GRAMD1B: variants seen among roughly 807,000 people sequenced by gnomAD.
GRAMD1B encodes the protein GRAM domain containing 1B.
In GRAMD1B, 37 loss-of-function variants were observed where a neutral mutation model predicts 99.7. That is an observed-to-expected ratio of 0.37 (90% CI 0.29 to 0.49). The LOEUF (loss-of-function observed/expected upper bound fraction) is 0.49, where lower values mean the gene tolerates loss of function less well. Among genes scored for constraint, GRAMD1B ranks in the 20% least tolerant of loss-of-function variants. GRAMD1B has a pLI of 0.98. For synonymous variants in GRAMD1B, 427 were observed against 387.6 expected (o/e 1.10, Z -1.19); for missense variants, 888 against 1,009.2 (o/e 0.88, Z 1.63).
At chr11:123,548,407 C>A (rs991497516) in intron 2 of GRAMD1B, among the ~76,000 whole-genome samples, 1 of 149,572 alleles carries the variant, frequency 6.7e-6, no homozygotes, top group Non-Finnish European at 1.5e-5. Flanking sequence ...ACCTGGCAAC[C>A]TCTCAAAGCA....
At chr11:123,548,995 C>A (rs1045520134) in intron 2 of GRAMD1B, among the ~76,000 whole-genome samples, 1 of 152,220 alleles carries the variant, frequency 6.6e-6, no homozygotes, top group African/African-American at 2.4e-5. Context: ...CTCCCACCCC[C>A]TCATGGCAGT....
intron 1 of GRAMD1B, among the ~76,000 whole-genome samples, chr11:123,395,258 G>A (rs1424339365): frequency 1.3e-5 from 2 of 151,644 alleles, no homozygotes; most frequent in Non-Finnish European, 2.9e-5. Flanking sequence ...TTCATACTAA[G>A]GAAAGGCTTC....
In GRAMD1B at chr11:123,590,179, G is replaced by T. The variant is rs896324496; in HGVS notation, c.685-3903G>T. Among the ~76,000 whole-genome samples the T allele has an allele frequency of 8.5e-5, 13 of 152,294 alleles. No homozygotes were observed. In the South Asian group the frequency reaches 1.9e-3, roughly 22 times the overall value. ...CTTGCTAATGCTGAAGGTTGTATAG[G>T]GTCCATGGGAAGGAAGAGGGTGCCT... On this transcript the variant is annotated intron_variant, in intron 4 of 19. Coordinates refer to ENST00000635736, the MANE Select transcript of GRAMD1B (RefSeq NM_001387025.1).
chr11:123,575,963 C>T (rs775617278), intron 2 of GRAMD1B, among the ~76,000 whole-genome samples: 14 of 152,094 alleles, frequency 9.2e-5, no homozygotes, highest in Non-Finnish European at 2.1e-4. Context: ...ATATTTGGGG[C>T]ACATTTATCT....
chr11:123,388,065 G>A (rs939042252), intron 1 of GRAMD1B, among the ~76,000 whole-genome samples: 2 of 146,692 alleles, frequency 1.4e-5, no homozygotes, highest in East Asian at 4.0e-4. Flanking sequence ...GGCAGAGGTT[G>A]CAGTGAGCCG....
At chr11:123,431,554 G>C (rs944069137) in intron 1 of GRAMD1B, among the ~76,000 whole-genome samples, 4 of 152,250 alleles carry the variant, frequency 2.6e-5, no homozygotes, top group Non-Finnish European at 4.4e-5. Flanking sequence ...CAAACTCTCT[G>C]AGGTAGGTAT....
chr11:123,474,270 T>A (rs1052369476), intron 1 of GRAMD1B, among the ~76,000 whole-genome samples: 2 of 149,216 alleles, frequency 1.3e-5, no homozygotes, highest in African/African-American at 2.5e-5. Flanking sequence ...TAATTTTTTT[T>A]AAAGTAATGG....
chr11:123,390,138 T>TAA (rs11462388), intron 1 of GRAMD1B, among the ~76,000 whole-genome samples: 5,299 of 142,704 alleles, frequency 0.037, 295 homozygotes, highest in African/African-American at 0.12. Context: ...ATCAATTCAT[T>TAA]AAAAAAAAAA....
intron 2 of GRAMD1B, among the ~76,000 whole-genome samples, chr11:123,487,298 T>C (rs1339836757): frequency 6.6e-6 from 1 of 152,160 alleles, no homozygotes; most frequent in Non-Finnish European, 1.5e-5. Flanking sequence ...CAGAAAACTC[T>C]ACAGAGGGGG....
chr11:123,619,149 C>G lies in GRAMD1B; in HGVS notation c.2469C>G (p.Ser823=), dbSNP rs1233105139. The change falls in exon 19 of 20, where the codon TCC becomes TCG. Residue 823 remains serine, a synonymous_variant. Transcript: ENST00000635736. ...CAGAATGGGCCCAGCTCTTAGAGTC[C>G]CAACAAAAGTACCACGATACTGAGC... The part of the protein sequence containing the change: ...SQTEWAQLLE[S]QQKYHDTELQ... 6.4e-7 allele frequency: 1 copy of G among 1,570,148 alleles called. No individual in the cohort carries two copies.
intron 3 of GRAMD1B, among the ~76,000 whole-genome samples, chr11:123,583,467 T>G (rs1012286140): frequency 1.3e-5 from 2 of 152,136 alleles, no homozygotes; most frequent in Admixed American, 6.5e-5. Context: ...AGTATGTGTG[T>G]GTATATGTGC....
At chr11:123,604,481 T>C (rs1237275490) in intron 9 of GRAMD1B, among the ~76,000 whole-genome samples, 1 of 152,150 alleles carries the variant, frequency 6.6e-6, no homozygotes, top group Non-Finnish European at 1.5e-5. Context: ...AAGATGTGCC[T>C]GTAGACTGGC....
At chr11:123,565,879 C>A (rs1028595627) in intron 2 of GRAMD1B, among the ~76,000 whole-genome samples, 10 of 152,248 alleles carry the variant, frequency 6.6e-5, no homozygotes, top group African/African-American at 2.4e-4. Flanking sequence ...GGAAATTATA[C>A]AACACCAGTA....
At chr11:123,455,873 G>A (rs1433986372) in intron 1 of GRAMD1B, among the ~76,000 whole-genome samples, 1 of 152,050 alleles carries the variant, frequency 6.6e-6, no homozygotes, top group Non-Finnish European at 1.5e-5. Context: ...CTGGCATATA[G>A]AAAACACTCA....
At chr11:123,533,162 G>T (rs1022398353) in intron 2 of GRAMD1B, among the ~76,000 whole-genome samples, 8 of 151,904 alleles carry the variant, frequency 5.3e-5, no homozygotes, top group Admixed American at 3.3e-4. Context: ...GTAGAGACAG[G>T]GTTTCTGTGT....
chr11:123,496,959 CTTAT>C (rs1049980443), intron 2 of GRAMD1B, among the ~76,000 whole-genome samples: 7 of 152,106 alleles, frequency 4.6e-5, no homozygotes, highest in African/African-American at 1.7e-4. Context: ...TCCTTGGTGC[CTTAT>C]TTAGTTTGTT....
intron 2 of GRAMD1B, among the ~76,000 whole-genome samples, chr11:123,531,331 G>A (rs949402706): frequency 2.0e-5 from 3 of 152,128 alleles, no homozygotes; most frequent in East Asian, 1.9e-4. Flanking sequence ...AAGGATAAGC[G>A]TTTCTCACCT....
At chr11:123,618,982 CG>C in intron 18 of GRAMD1B, 124 bp from the exon 19 acceptor site, 5 of 687,600 alleles carry the variant, frequency 7.3e-6, no homozygotes, top group Non-Finnish European at 2.6e-6. Flanking sequence ...ACAGGGGAAC[CG>C]GGGGCAGTGA....
chr11:123,451,365 T>A (rs1400173626), intron 1 of GRAMD1B, among the ~76,000 whole-genome samples: 5 of 152,188 alleles, frequency 3.3e-5, no homozygotes, highest in African/African-American at 1.2e-4. Flanking sequence ...GAAATGGGGA[T>A]TCTGAAATAT....
Sources: allele counts gnomAD v4.1 joint callset (sites outside exome capture counted in the v4.1 genomes callset), GRCh38; gene constraint gnomAD v4.1.1; transcripts MANE v1.5; gene names NCBI Gene and HGNC (gene_info 2026-07-23, HGNC 2026-07-21).